Variants in AAMDC observed in about 807,000 individuals in gnomAD.
AAMDC encodes adipogenesis associated Mth938 domain containing.
A neutral mutation model predicts 15.5 loss-of-function variants in AAMDC; 16 were observed. The ratio of observed to expected loss-of-function variants is 1.03; its 90% confidence interval spans 0.70 to 1.57. The LOEUF is 1.57. AAMDC is among the 40% of genes most tolerant of loss of function. The pLI is 0.00. For synonymous variants in AAMDC, 51 were observed against 51.6 expected, an observed-to-expected ratio of 0.99 and a Z score of 0.05; for missense variants, 141 against 144.9, an observed-to-expected ratio of 0.97 and a Z score of 0.14.
intron 1 of AAMDC, among the ~76,000 whole-genome samples, chr11:77,830,987 CAAAAAAAAA>C (rs59283485): frequency 6.0e-5 from 6 of 100,514 alleles, no homozygotes; most frequent in South Asian, 3.5e-4. Context: ...CAAAATATAC[CAAAAAAAAA>C]AAAAAAAAAA....
chr11:77,839,390 C>T (rs1252695619), intron 1 of AAMDC, among the ~76,000 whole-genome samples: 5 of 152,156 alleles, frequency 3.3e-5, no homozygotes, highest in African/African-American at 1.2e-4. Flanking sequence ...ATTAGTTCAA[C>T]CTTTGTGGAA....
At chr11:77,831,481 CTT>C (rs1949421873) in intron 1 of AAMDC, among the ~76,000 whole-genome samples, 1 of 152,152 alleles carries the variant, frequency 6.6e-6, no homozygotes, top group East Asian at 1.9e-4. Flanking sequence ...TTGGCTACTC[CTT>C]GAAATTCTTA....
intron 1 of AAMDC, among the ~76,000 whole-genome samples, chr11:77,822,804 A>C (rs914502647): frequency 2.6e-5 from 4 of 152,260 alleles, no homozygotes; most frequent in African/African-American, 9.6e-5. Context: ...CTGATGTAAG[A>C]AATCAAAGTC....
chr11:77,857,950 C>G (rs1950698251), intron 2 of AAMDC, among the ~76,000 whole-genome samples: 1 of 152,020 alleles, frequency 6.6e-6, no homozygotes, highest in Non-Finnish European at 1.5e-5. Context: ...CCACATTGGC[C>G]CCCAAAGTGC....
chr11:77,872,224 G>A lies in AAMDC; in HGVS notation c.278G>A (p.Arg93Gln), dbSNP rs754956539. 24 of 1,613,764 alleles carry A rather than the reference G, an allele frequency of 1.5e-5. No homozygotes were observed. Among genetic ancestry groups the A allele is most frequent in the Middle Eastern group, 1.7e-4 (1 of 6,046 alleles). ...CTCAAGAAACATGGCATTGATGTGC[G>A]GGTCCTCCAGACAGAGCAGGCAGTG... The part of the protein sequence containing the change: ...EYLKKHGIDV[R>Q]VLQTEQAVKE... The change falls in exon 4 of 4, where the codon CGG (arginine) becomes CAG (glutamine). Residue 93 changes from arginine to glutamine, a missense_variant. Arg to Gln is a conservative substitution (Grantham distance 43). Coordinates refer to ENST00000393427, the MANE Select transcript of AAMDC (RefSeq NM_024684.4).
intron 2 of AAMDC, among the ~76,000 whole-genome samples, chr11:77,845,295 C>T (rs1306891757): frequency 1.3e-5 from 2 of 151,874 alleles, no homozygotes; most frequent in Non-Finnish European, 2.9e-5. Flanking sequence ...CATTTTTTTT[C>T]TTTCCTTTGT....
chr11:77,856,808 A>G (rs1240496567), intron 2 of AAMDC, among the ~76,000 whole-genome samples: 1 of 152,222 alleles, frequency 6.6e-6, no homozygotes, highest in Non-Finnish European at 1.5e-5. Context: ...CCCTTCTCCA[A>G]CATTGGGGAT....
At chr11:77,840,427 G>A (rs1013296635) in intron 1 of AAMDC, among the ~76,000 whole-genome samples, 1 of 152,182 alleles carries the variant, frequency 6.6e-6, no homozygotes, top group South Asian at 2.1e-4. Context: ...TACTTGGGAG[G>A]CTGAGGCAGG....
chr11:77,867,989 C>T lies in AAMDC; in HGVS notation c.133-1733C>T, dbSNP rs148403293. The stretch of plus-strand genomic sequence containing the variant: ...ATGCAAGTGCTTTCTTTTCCCACCT[C>T]ATCTGTCACTCTACAAACAAGTTGT... On this transcript the variant is annotated intron_variant, in intron 2 of 3. Transcript: ENST00000393427. Among the ~76,000 whole-genome samples the T allele has an allele frequency of 4.1e-4, 63 of 151,848 alleles. No homozygotes were observed. In the East Asian group the frequency reaches 0.012, roughly 28 times the overall value.
chr11:77,875,265 C>T (rs1336969279), downstream of AAMDC, among the ~76,000 whole-genome samples: 1 of 152,158 alleles, frequency 6.6e-6, no homozygotes, highest in Admixed American at 6.5e-5. Context: ...GGGCATACAG[C>T]ACAGACATTC....
chr11:77,869,117 A>T (rs920700231), intron 2 of AAMDC: 4 of 264,530 alleles, frequency 1.5e-5, no homozygotes, highest in African/African-American at 9.2e-5. Context: ...CATGTGGCCA[A>T]AGGAACAACT....
intron 1 of AAMDC, among the ~76,000 whole-genome samples, chr11:77,829,000 T>C (rs756761732): frequency 1.3e-5 from 2 of 152,192 alleles, no homozygotes; most frequent in Non-Finnish European, 2.9e-5. Flanking sequence ...GTAATCAAGA[T>C]TGTGTGTAGT....
At chr11:77,842,435 C>T (rs762185634) in intron 1 of AAMDC, 44 bp from the exon 2 acceptor site, 2 of 1,570,338 alleles carry the variant, frequency 1.3e-6, no homozygotes, top group East Asian at 2.2e-5. Context: ...ACTGTTTCAG[C>T]CTTACTTTAT....
intron 2 of AAMDC, among the ~76,000 whole-genome samples, chr11:77,862,838 G>T (rs755262569): frequency 2.6e-5 from 4 of 152,200 alleles, no homozygotes; most frequent in Non-Finnish European, 4.4e-5. Context: ...TCATGGCCAG[G>T]TGGTACTGCA....
intron 5 of AAMDC, among the ~76,000 whole-genome samples, chr11:77,887,466 T>C (rs1438743134): frequency 6.6e-6 from 1 of 152,120 alleles, no homozygotes; most frequent in Non-Finnish European, 1.5e-5. Flanking sequence ...GCCAATATCA[T>C]ACTGAATGGG....
At chr11:77,853,093 AG>A (rs1256519987) in intron 2 of AAMDC, among the ~76,000 whole-genome samples, 2 of 152,250 alleles carry the variant, frequency 1.3e-5, no homozygotes, top group African/African-American at 4.8e-5. Context: ...ATGTAAATGT[AG>A]ATTTGTTAGA....
At chr11:77,848,828 C>T (rs1156660612) in intron 2 of AAMDC, among the ~76,000 whole-genome samples, 3 of 152,166 alleles carry the variant, frequency 2.0e-5, no homozygotes, top group Non-Finnish European at 4.4e-5. Flanking sequence ...CACTGTCTCC[C>T]AAGCTGGAGT....
intron 1 of AAMDC, among the ~76,000 whole-genome samples, chr11:77,827,237 T>A (rs1590920290): frequency 6.6e-6 from 1 of 152,164 alleles, no homozygotes; most frequent in African/African-American, 2.4e-5. Flanking sequence ...TCAATACCAA[T>A]GCTTCACAAA....
At chr11:77,876,467 G>A (rs1327637753), downstream of AAMDC, among the ~76,000 whole-genome samples, 2 of 150,482 alleles carry the variant, frequency 1.3e-5, no homozygotes, top group Non-Finnish European at 2.9e-5. Context: ...AAATTCTCAT[G>A]TTCCCCAGAA....
Sources: gnomAD v4.1 joint callset for allele counts (sites outside exome capture counted in the v4.1 genomes callset) on GRCh38, gnomAD v4.1.1 for gene constraint, MANE v1.5 for transcripts, NCBI Gene and HGNC (gene_info 2026-07-23, HGNC 2026-07-21) for gene names.